F13A1: variants seen among roughly 807,000 people sequenced by gnomAD.
F13A1 encodes the protein FSF, A subunit.
Under a neutral mutation model 80.1 loss-of-function variants are expected in F13A1, and 47 were observed. The ratio of observed to expected loss-of-function variants is 0.59; its 90% CI spans 0.46 to 0.75. The LOEUF (loss-of-function observed/expected upper bound fraction) is 0.75. Ranked by LOEUF, F13A1 falls within the 30% of genes least tolerant of loss-of-function variation. The pLI, the probability that F13A1 is intolerant of heterozygous loss-of-function variation, is 0.00. For synonymous variants in F13A1, 349 were observed against 344.9 expected (o/e 1.01, Z -0.13); for missense variants, 817 against 930.4 (o/e 0.88, Z 1.59).
chr6:6,308,461 T>TAAAAAAA (rs35426137), intron 2 of F13A1, among the ~76,000 whole-genome samples: 1 of 143,738 alleles, frequency 7.0e-6, no homozygotes. Context: ...GGTTTTTCTG[T>TAAAAAAA]AAAAAAAAAA....
intron 6 of F13A1, among the ~76,000 whole-genome samples, chr6:6,228,438 T>C (rs1757306258): frequency 6.6e-6 from 1 of 152,074 alleles, no homozygotes; most frequent in Non-Finnish European, 1.5e-5. Context: ...TAGAAAGTAA[T>C]AAATATAATC....
intron 8 of F13A1, among the ~76,000 whole-genome samples, chr6:6,205,287 C>T (rs1761467050): frequency 6.6e-6 from 1 of 152,154 alleles, no homozygotes; most frequent in Non-Finnish European, 1.5e-5. Flanking sequence ...CTGTAGCTTC[C>T]ACCATTAAAC....
chr6:6,183,361 T>G (rs1761022106), intron 10 of F13A1, among the ~76,000 whole-genome samples: 1 of 152,240 alleles, frequency 6.6e-6, no homozygotes, highest in Admixed American at 6.5e-5. Flanking sequence ...ATGTTATTGA[T>G]AATAATATTG....
chr6:6,160,370 T>C (rs892292965), intron 13 of F13A1, among the ~76,000 whole-genome samples: 1 of 151,860 alleles, frequency 6.6e-6, no homozygotes, highest in African/African-American at 2.4e-5. Context: ...TGAGTCTTGC[T>C]CTGTCACCCA....
intron 13 of F13A1, among the ~76,000 whole-genome samples, 199 bp from the exon 14 acceptor site, chr6:6,152,148 G>C (rs3818483): frequency 6.6e-6 from 1 of 152,148 alleles, no homozygotes; most frequent in Non-Finnish European, 1.5e-5. Flanking sequence ...AATTAGAATC[G>C]CACTCTTTTC....
intron 3 of F13A1, among the ~76,000 whole-genome samples, chr6:6,284,911 T>A (rs1410702216): frequency 6.6e-6 from 1 of 152,190 alleles, no homozygotes; most frequent in Non-Finnish European, 1.5e-5. Context: ...GCCAGTCGTG[T>A]CACACATTTC....
chr6:6,197,086 T>C, intron 9 of F13A1, 137 bp downstream of exon 9: 1 of 747,464 alleles, frequency 1.3e-6, no homozygotes, highest in African/African-American at 1.7e-5. Flanking sequence ...AGGTAGCTAA[T>C]ACTGTACATG....
At chr6:6,293,765 TGGAGGGAGTGAGAGAGAGAGGGAG>T (rs1161834637) in intron 3 of F13A1, among the ~76,000 whole-genome samples, 1 of 102,130 alleles carries the variant, frequency 9.8e-6, no homozygotes, top group Non-Finnish European at 1.9e-5. Flanking sequence ...AAGGAAGGAA[TGGAGGGAGTGAGAGAGAGAGGGAG>T]GGAGGGAGGG....
intron 14 of F13A1, among the ~76,000 whole-genome samples, chr6:6,147,541 T>G (rs1327647883): frequency 6.6e-6 from 1 of 152,232 alleles, no homozygotes; most frequent in African/African-American, 2.4e-5. Context: ...TATTTATTTC[T>G]CAACAGCTGT....
At chr6:6,216,218 A>C (rs1300859784) in intron 8 of F13A1, among the ~76,000 whole-genome samples, 3 of 152,164 alleles carry the variant, frequency 2.0e-5, no homozygotes, top group Non-Finnish European at 4.4e-5. Context: ...TGCATCGCCA[A>C]GTCAATCCTA....
chr6:6,172,497 G>C (rs1205640344), intron 12 of F13A1, among the ~76,000 whole-genome samples: 1 of 151,410 alleles, frequency 6.6e-6, no homozygotes, highest in African/African-American at 2.4e-5. Flanking sequence ...CCAGGCTGGA[G>C]TGCAGTGGCA....
intron 3 of F13A1, among the ~76,000 whole-genome samples, chr6:6,288,492 G>A (rs1475262610): frequency 1.3e-5 from 2 of 152,112 alleles, no homozygotes; most frequent in Admixed American, 1.3e-4. Flanking sequence ...GTTGAGAATG[G>A]CAGAATTTTC....
intron 3 of F13A1, among the ~76,000 whole-genome samples, chr6:6,289,532 A>G (rs1416479703): frequency 6.6e-6 from 1 of 152,166 alleles, no homozygotes; most frequent in Admixed American, 6.6e-5. Flanking sequence ...GAAAAATCAT[A>G]CAAACTCATG....
intron 4 of F13A1, among the ~76,000 whole-genome samples, chr6:6,252,310 A>AT (rs1757643920): frequency 7.3e-6 from 1 of 136,884 alleles, no homozygotes; most frequent in Admixed American, 7.2e-5. Context: ...AAAATTAAAG[A>AT]TGGTTCATTA....
At chr6:6,175,727 C>A (rs1276098807) in intron 11 of F13A1, among the ~76,000 whole-genome samples, 2 of 152,214 alleles carry the variant, frequency 1.3e-5, no homozygotes, top group Admixed American at 1.3e-4. Context: ...TTTTGAGGGA[C>A]ATCTGTTGAC....
At chr6:6,197,547 G>A (rs886904725) in intron 8 of F13A1, among the ~76,000 whole-genome samples, 1 of 152,008 alleles carries the variant, frequency 6.6e-6, no homozygotes, top group African/African-American at 2.4e-5. Context: ...GTGTGGTGGC[G>A]GGTGCCTGTA....
intron 3 of F13A1, among the ~76,000 whole-genome samples, chr6:6,284,936 A>G (rs1758115184): frequency 1.3e-5 from 2 of 152,210 alleles, no homozygotes; most frequent in Non-Finnish European, 2.9e-5. Context: ...AGGCAACTGT[A>G]TCAGTATAGC....
intron 4 of F13A1, among the ~76,000 whole-genome samples, chr6:6,257,199 G>A (rs762496806): frequency 1.4e-4 from 22 of 152,138 alleles, no homozygotes; most frequent in Non-Finnish European, 1.8e-4. Flanking sequence ...ATGTGACTCC[G>A]GACTGGTGTC....
intron 11 of F13A1, among the ~76,000 whole-genome samples, chr6:6,181,422 T>A (rs561367546): frequency 6.6e-6 from 1 of 152,328 alleles, no homozygotes; most frequent in Admixed American, 6.5e-5. Flanking sequence ...TGAAACATTC[T>A]ATGCAATAAA....
Sources: gnomAD v4.1 joint callset for allele counts (sites outside exome capture counted in the v4.1 genomes callset) on GRCh38, gnomAD v4.1.1 for gene constraint, MANE v1.5 for transcripts, NCBI Gene and HGNC (gene_info 2026-07-23, HGNC 2026-07-21) for gene names.